Variants in WIF1 observed in about 807,000 individuals in gnomAD.
WIF1 encodes Wnt inhibitory factor 1.
A neutral mutation model predicts 53.5 loss-of-function variants in WIF1; 35 were observed. That is an observed-to-expected ratio of 0.65 (90% confidence interval 0.50 to 0.87). The LOEUF (loss-of-function observed/expected upper bound fraction) is 0.87. Among genes scored for constraint, WIF1 ranks in the 40% least tolerant of loss-of-function variants. The pLI, the probability that WIF1 is intolerant of heterozygous loss-of-function variation, is 0.00. For missense variants in WIF1, 467 were observed against 476.8 expected, an observed-to-expected ratio of 0.98 and a Z score of 0.19; for synonymous variants, 171 against 170.4, an observed-to-expected ratio of 1.00 and a Z score of -0.03.
chr12:65,112,837 G>C (rs988733145), intron 2 of WIF1, among the ~76,000 whole-genome samples: 5 of 152,122 alleles, frequency 3.3e-5, no homozygotes, highest in Admixed American at 1.3e-4. Flanking sequence ...CTTGCTGATG[G>C]GACTCATTCT....
At chr12:65,059,776 T>C (rs1250636435) in intron 7 of WIF1, among the ~76,000 whole-genome samples, 1 of 152,074 alleles carries the variant, frequency 6.6e-6, no homozygotes, top group Non-Finnish European at 1.5e-5. Context: ...CTCAGCCTCC[T>C]GAATAGCTAG....
intron 1 of WIF1, 139 bp downstream of exon 1, chr12:65,120,905 A>C (rs1883598606): frequency 8.5e-7 from 1 of 1,173,864 alleles, no homozygotes; most frequent in African/African-American, 1.6e-5. Flanking sequence ...TTCAGATGGA[A>C]AATATCTAAT....
intron 2 of WIF1, among the ~76,000 whole-genome samples, chr12:65,119,057 A>C (rs186267511): frequency 6.6e-6 from 1 of 152,346 alleles, no homozygotes; most frequent in East Asian, 1.9e-4. Flanking sequence ...TTAATTGGCC[A>C]CTTAGTTAAT....
chr12:65,117,167 C>T (rs1883525324), intron 2 of WIF1, among the ~76,000 whole-genome samples: 2 of 152,086 alleles, frequency 1.3e-5, no homozygotes, highest in Non-Finnish European at 2.9e-5. Flanking sequence ...ATGAGGAACA[C>T]TCTTGGACCT....
rs1166726813 is a variant in WIF1, at chr12:65,121,037, G to T, written c.148+7C>A. On this transcript the variant is annotated splice_region_variant and intron_variant, in intron 1 of 9. Transcript: ENST00000286574. ...GCAGGGGAAGGCGCTGGAGGCGGGG[G>T]CCTTACCTATGAGTACTCTTGCCTG... 2.7e-6 allele frequency: 4 copies of T among 1,463,740 alleles called. No homozygotes were observed. Among genetic ancestry groups the T allele is most frequent in the East Asian group, 2.7e-5 (1 of 36,462 alleles). 90.7% of individuals were successfully genotyped at this position (1,463,740 alleles called of 1,614,324 possible).
chr12:65,109,425 T>C (rs1477758250), intron 2 of WIF1, among the ~76,000 whole-genome samples: 2 of 152,202 alleles, frequency 1.3e-5, no homozygotes, highest in Non-Finnish European at 2.9e-5. Context: ...GTATCCAAAC[T>C]TGAGAAGTGA....
At chr12:65,091,158 A>T (rs530524600) in intron 2 of WIF1, among the ~76,000 whole-genome samples, 3 of 152,072 alleles carry the variant, frequency 2.0e-5, no homozygotes, top group Non-Finnish European at 4.4e-5. Context: ...GAATAAGTTA[A>T]ACTACACCAC....
rs146736303 is a variant in WIF1 at position 65,077,824 on chromosome 12, G to T, written c.319C>A (p.Arg107Ser). The change falls in exon 3 of 10, where the codon CGC becomes AGC. Residue 107 changes from arginine (R) to serine (S), a missense_variant. By Grantham distance (110) the Arg-to-Ser change is moderately radical (BLOSUM62 -1). Transcript: ENST00000286574. ...AEYFYEFLSL[R>S]SLDKGIMADP... ...GCCATGATGCCTTTATCCAGGGAGC[G>T]CAAGGACAGGAATTCATAGAAGTAT... 16 of 1,613,584 alleles carry T rather than the reference G, an allele frequency of 9.9e-6. No homozygotes were observed. In the East Asian group the frequency reaches 3.3e-4, roughly 34 times the overall value.
At chr12:65,086,898 C>T (rs1405162224) in intron 2 of WIF1, among the ~76,000 whole-genome samples, 3 of 151,492 alleles carry the variant, frequency 2.0e-5, no homozygotes, top group Non-Finnish European at 4.4e-5. Context: ...AATCCCAGCA[C>T]TTTGGGAGGC....
chr12:65,095,598 GA>G, intron 2 of WIF1, among the ~76,000 whole-genome samples: 1 of 152,138 alleles, frequency 6.6e-6, no homozygotes, highest in African/African-American at 2.4e-5. Flanking sequence ...GATGATCAAA[GA>G]AAACCAGTAA....
At chr12:65,088,206 T>C (rs1883070005) in intron 2 of WIF1, among the ~76,000 whole-genome samples, 1 of 152,168 alleles carries the variant, frequency 6.6e-6, no homozygotes, top group African/African-American at 2.4e-5. Flanking sequence ...CATTAGTCTC[T>C]CCCTTCTTGT....
intron 2 of WIF1, among the ~76,000 whole-genome samples, chr12:65,094,420 C>T (rs1359116148): frequency 6.6e-6 from 1 of 152,094 alleles, no homozygotes; most frequent in African/African-American, 2.4e-5. Flanking sequence ...GCCTGGGAAG[C>T]CATTATGTCA....
intron 3 of WIF1, among the ~76,000 whole-genome samples, chr12:65,075,177 C>T (rs1470166688): frequency 6.6e-6 from 1 of 152,180 alleles, no homozygotes; most frequent in Non-Finnish European, 1.5e-5. Flanking sequence ...CCTGTCTACA[C>T]CCACGATGAC....
At chr12:65,080,848 C>T (rs1056205012) in intron 2 of WIF1, among the ~76,000 whole-genome samples, 1 of 152,104 alleles carries the variant, frequency 6.6e-6, no homozygotes, top group Non-Finnish European at 1.5e-5. Flanking sequence ...TTATCATTTG[C>T]TACCCCATAA....
chr12:65,086,188 C>G (rs1239853489), intron 2 of WIF1, among the ~76,000 whole-genome samples: 1 of 151,700 alleles, frequency 6.6e-6, no homozygotes, highest in East Asian at 1.9e-4. Flanking sequence ...AGTCTTTAAA[C>G]CAAATTTAGC....
intron 2 of WIF1, among the ~76,000 whole-genome samples, chr12:65,108,372 C>T (rs555532305): frequency 1.3e-5 from 2 of 152,286 alleles, no homozygotes; most frequent in East Asian, 1.9e-4. Flanking sequence ...CCATTCTCCA[C>T]TTCATGTCTT....
At chr12:65,051,554 C>G in intron 9 of WIF1, 84 bp from the exon 10 acceptor site, 5 of 1,421,452 alleles carry the variant, frequency 3.5e-6, no homozygotes, top group Non-Finnish European at 4.6e-6. Flanking sequence ...AAATGAAATC[C>G]ATTTTTGCCT....
chr12:65,086,703 C>CTTT (rs35313351), intron 2 of WIF1, among the ~76,000 whole-genome samples: 4 of 134,296 alleles, frequency 3.0e-5, no homozygotes, highest in Non-Finnish European at 4.6e-5. Context: ...GTGTTTCTTT[C>CTTT]TTTTTTTTTT....
chr12:65,080,967 A>G (rs2136623593), intron 2 of WIF1, among the ~76,000 whole-genome samples: 1 of 152,236 alleles, frequency 6.6e-6, no homozygotes, highest in African/African-American at 2.4e-5. Context: ...ATATAATTTA[A>G]TTTAAAAAAT....
Sources: gnomAD v4.1 joint callset for allele counts (sites outside exome capture counted in the v4.1 genomes callset) on GRCh38, gnomAD v4.1.1 for gene constraint, MANE v1.5 for transcripts, NCBI Gene and HGNC (gene_info 2026-07-23, HGNC 2026-07-21) for gene names.